GUCY1A2: variants seen among roughly 807,000 people sequenced by gnomAD.
The protein encoded by GUCY1A2 is guanylate cyclase 1 soluble subunit alpha 2, also known as guanylate cyclase soluble subunit alpha-2.
GUCY1A2 carries 27 observed loss-of-function variants against 63.5 expected under a neutral mutation model. That is an observed-to-expected ratio of 0.43 (90% confidence interval 0.31 to 0.59). The LOEUF (loss-of-function observed/expected upper bound fraction) is 0.59, where lower values mean the gene tolerates loss of function less well. Ranked by LOEUF, GUCY1A2 falls within the 20% of genes least tolerant of loss-of-function variation. The pLI, the probability that GUCY1A2 is intolerant of heterozygous loss-of-function variation, is 0.11. For synonymous variants in GUCY1A2, 364 were observed against 343.5 expected, an observed-to-expected ratio of 1.06 and a Z score of -0.66; for missense variants, 768 against 913.3, an observed-to-expected ratio of 0.84 and a Z score of 2.05.
chr11:106,709,545 ATTATT>A lies in GUCY1A2; in HGVS notation c.1837-884_1837-880del, dbSNP rs1863021286. Among the ~76,000 whole-genome samples, 2 of 58,928 alleles carry A rather than the reference ATTATT, an allele frequency of 3.4e-5. 1 individual carries two copies. The highest frequency in any genetic ancestry group is 5.5e-5 in the Non-Finnish European group (2 of 36,356). The allele number at this position is 58,928 out of a possible 152,430, so 38.7% of individuals were successfully genotyped here. ...ATATAATAATAATATAATATATTAT[ATTATT>A]ATATAAATATGTTATATACGTGTAT... On this transcript the variant is annotated intron_variant, in intron 6 of 7. Transcript: ENST00000526355.
At chr11:106,781,112 C>CAAAAAAAAAAAA (rs565279937) in intron 5 of GUCY1A2, among the ~76,000 whole-genome samples, 2 of 89,030 alleles carry the variant, frequency 2.2e-5, no homozygotes, top group African/African-American at 4.1e-5. Flanking sequence ...AAACAGACTA[C>CAAAAAAAAAAAA]AAAAAAAAAA....
intron 4 of GUCY1A2, among the ~76,000 whole-genome samples, chr11:106,869,119 C>A (rs1044678252): frequency 4.6e-5 from 7 of 152,130 alleles, no homozygotes; most frequent in East Asian, 1.9e-4. Context: ...AAGATGGATT[C>A]AAGACTTAAA....
chr11:107,016,749 C>G (rs1861829053), intron 1 of GUCY1A2, among the ~76,000 whole-genome samples: 1 of 151,106 alleles, frequency 6.6e-6, no homozygotes, highest in South Asian at 2.1e-4. Context: ...AGAGAGAAAG[C>G]ACTAGAGAAT....
intron 4 of GUCY1A2, among the ~76,000 whole-genome samples, chr11:106,819,487 T>C (rs1198665618): frequency 1.3e-5 from 2 of 152,150 alleles, no homozygotes; most frequent in Non-Finnish European, 2.9e-5. Flanking sequence ...ACTACCCTGA[T>C]CAGTCAGTAG....
intron 1 of GUCY1A2, among the ~76,000 whole-genome samples, chr11:107,005,227 C>T (rs560596283): frequency 1.6e-4 from 24 of 152,304 alleles, no homozygotes; most frequent in Admixed American, 5.2e-4. Flanking sequence ...GAGGGGCAGA[C>T]AATAGCTGCT....
chr11:106,822,678 A>G (rs546557344), intron 4 of GUCY1A2, among the ~76,000 whole-genome samples: 1 of 152,322 alleles, frequency 6.6e-6, no homozygotes, highest in South Asian at 2.1e-4. Flanking sequence ...AACAATTTGA[A>G]TAAGTAATAC....
intron 3 of GUCY1A2, among the ~76,000 whole-genome samples, chr11:106,974,200 T>C (rs1861233767): frequency 6.6e-6 from 1 of 152,116 alleles, no homozygotes; most frequent in Non-Finnish European, 1.5e-5. Context: ...ATTGATCAGT[T>C]ACCAAGTTAT....
chr11:106,835,899 C>T (rs940287862), intron 4 of GUCY1A2, among the ~76,000 whole-genome samples: 17 of 151,372 alleles, frequency 1.1e-4, no homozygotes, highest in African/African-American at 3.4e-4. Context: ...CCCAGAATAA[C>T]CTAAGATTAA....
intron 6 of GUCY1A2, among the ~76,000 whole-genome samples, chr11:106,714,693 A>C (rs1219327931): frequency 6.6e-6 from 1 of 152,154 alleles, no homozygotes; most frequent in East Asian, 1.9e-4. Flanking sequence ...AGGTCATCTG[A>C]GCCCCTCAGT....
intron 6 of GUCY1A2, among the ~76,000 whole-genome samples, chr11:106,765,259 C>T (rs1180631315): frequency 6.6e-6 from 1 of 151,886 alleles, no homozygotes; most frequent in Non-Finnish European, 1.5e-5. Flanking sequence ...TACAAAAACA[C>T]CAAAATAATG....
chr11:106,756,412 T>A (rs931859526), intron 6 of GUCY1A2, among the ~76,000 whole-genome samples: 14 of 152,118 alleles, frequency 9.2e-5, no homozygotes, highest in Admixed American at 9.2e-4. Context: ...GGTTGTTTTG[T>A]CCGTTCATTG....
At chr11:106,732,863 C>G (rs962770403) in intron 6 of GUCY1A2, among the ~76,000 whole-genome samples, 6 of 152,026 alleles carry the variant, frequency 3.9e-5, no homozygotes, top group African/African-American at 1.2e-4. Context: ...ATATCAGAAA[C>G]AAGATTGGAA....
intron 4 of GUCY1A2, among the ~76,000 whole-genome samples, chr11:106,864,897 C>T (rs1384408666): frequency 6.6e-6 from 1 of 151,914 alleles, no homozygotes; most frequent in Non-Finnish European, 1.5e-5. Context: ...TGTGTCTCTG[C>T]CAGGTTTTGG....
chr11:106,947,207 ACTCCATCTC>A (rs1860841551), intron 3 of GUCY1A2, among the ~76,000 whole-genome samples: 1 of 145,754 alleles, frequency 6.9e-6, no homozygotes, highest in African/African-American at 2.5e-5. Context: ...ACAAAGCAAG[ACTCCATCTC>A]ACAAAAAAAA....
intron 3 of GUCY1A2, among the ~76,000 whole-genome samples, chr11:106,957,855 CTTTTTTTTTTTTTTTTTTTT>C (rs59519013): frequency 1.1e-5 from 1 of 87,244 alleles, no homozygotes; most frequent in South Asian, 4.5e-4. Context: ...AAGGGACAAA[CTTTTTTTTTTTTTTTTTTTT>C]TTTTTTTTTT....
rs1194305323 is a variant in GUCY1A2, at chr11:106,709,463, GAAT to G, written c.1837-800_1837-798del. On this transcript the variant is annotated intron_variant, in intron 6 of 7. Transcript: ENST00000526355. The stretch of plus-strand genomic sequence containing the variant: ...TAATAATATATATTCTATATTTATA[GAAT>G]AATATATATTATTATATATTTATAT... Among the ~76,000 whole-genome samples the G allele has an allele frequency of 8.4e-3, 703 of 83,818 alleles. 16 individuals carry two copies. Among genetic ancestry groups the G allele is most frequent in the African/African-American group, 0.025 (530 of 21,348 alleles). 55.0% of individuals were successfully genotyped at this position (83,818 alleles called of 152,430 possible).
chr11:106,838,769 A>C (rs1162467757), intron 4 of GUCY1A2, among the ~76,000 whole-genome samples: 1 of 151,966 alleles, frequency 6.6e-6, no homozygotes, highest in African/African-American at 2.4e-5. Context: ...TGGCTGCATA[A>C]ATGTCTTTTT....
intron 1 of GUCY1A2, among the ~76,000 whole-genome samples, chr11:107,000,711 A>C (rs892717507): frequency 1.3e-5 from 2 of 152,164 alleles, no homozygotes; most frequent in South Asian, 4.1e-4. Context: ...ATTAAAATAA[A>C]TTTGGGTTTA....
intron 6 of GUCY1A2, among the ~76,000 whole-genome samples, chr11:106,719,596 C>A (rs1863278966): frequency 6.6e-6 from 1 of 152,104 alleles, no homozygotes; most frequent in South Asian, 2.1e-4. Context: ...GAATAAATAG[C>A]ATAGCTAAGT....
Sources: allele counts gnomAD v4.1 joint callset (sites outside exome capture counted in the v4.1 genomes callset), GRCh38; gene constraint gnomAD v4.1.1; transcripts MANE v1.5; gene names NCBI Gene and HGNC (gene_info 2026-07-23, HGNC 2026-07-21).